Variants in MCF2L observed in about 807,000 individuals in gnomAD.
MCF2L encodes guanine nucleotide exchange factor DBS.
Under a neutral mutation model 153.4 loss-of-function variants are expected in MCF2L, and 97 were observed. The observed-to-expected ratio is 0.63, with a 90% CI of 0.54 to 0.75. The LOEUF (loss-of-function observed/expected upper bound fraction) is 0.75, where lower values mean the gene tolerates loss of function less well. Among genes scored for constraint, MCF2L ranks in the 30% least tolerant of loss-of-function variants. MCF2L has a pLI of 0.00. For synonymous variants in MCF2L, 659 were observed against 632.2 expected (o/e 1.04, Z -0.64); for missense variants, 1,347 against 1,495.2 (o/e 0.90, Z 1.64).
chr13:113,016,562 G>A (rs564555955), intron 2 of MCF2L, among the ~76,000 whole-genome samples: 66 of 152,134 alleles, frequency 4.3e-4, no homozygotes, highest in Non-Finnish European at 7.8e-4. Flanking sequence ...AGCCTCCGTC[G>A]GCTCCTCTCC....
rs1285129479 is a variant in MCF2L at position 113,074,530 on chromosome 13, G to A, written c.1083G>A (p.Leu361=). The A allele has an allele frequency of 1.2e-6, 2 of 1,614,064 alleles. No homozygotes were observed. Among genetic ancestry groups the A allele is most frequent in the Middle Eastern group, 1.6e-4 (1 of 6,062 alleles). The part of the protein sequence containing the change: ...GNSLAHVEHL[L]RDLASFEEKS... ...GCCTGGCGCATGTGGAGCACCTGCT[G>A]AGGGACCTGGCCAGCTTCGAGGAGA... Residue 361 remains leucine (L), a synonymous_variant, in exon 10 of 30, where the codon CTG becomes CTA. Coordinates refer to ENST00000535094, the MANE Select transcript of MCF2L (RefSeq NM_001112732.3). This position sits in a 1 kb window ranked among gnomAD's most constrained non-coding sequence, Gnocchi z 4.2.
intron 2 of MCF2L, among the ~76,000 whole-genome samples, chr13:112,962,593 G>C (rs550972175): frequency 2.0e-5 from 3 of 152,172 alleles, no homozygotes; most frequent in Non-Finnish European, 4.4e-5. Flanking sequence ...TGCCCAGACC[G>C]CAGCAATCAG....
intron 2 of MCF2L, among the ~76,000 whole-genome samples, chr13:112,940,813 TAA>T (rs11312253): frequency 6.6e-6 from 1 of 151,770 alleles, no homozygotes; most frequent in African/African-American, 2.4e-5. Context: ...CATGAGCACT[TAA>T]AAAAAAATCA....
Position 112,983,190 on chromosome 13 carries a change from C to G in MCF2L, c.79+13732C>G, listed in dbSNP as rs1465037654. Reference sequence around the variant, plus strand: ...TTGGAGGTGAGGGGGTAGCAGAGCCCCTCACACAGGTCTAGGTTGCAGGTT... The same window carrying G: ...TTGGAGGTGAGGGGGTAGCAGAGCCGCTCACACAGGTCTAGGTTGCAGGTT... On this transcript the variant is annotated intron_variant, in intron 1 of 29. Coordinates refer to ENST00000535094, the MANE Select transcript of MCF2L (RefSeq NM_001112732.3). This position sits in a 1 kb window ranked among gnomAD's most constrained non-coding sequence, Gnocchi z 4.0. 6.6e-6 allele frequency among the ~76,000 whole-genome samples: 1 copy of G among 152,066 alleles called. No individual in the cohort carries two copies. The highest frequency in any genetic ancestry group is 6.5e-5 in the Admixed American group (1 of 15,272).
At chr13:112,918,265 G>A (rs2081315949) in intron 2 of MCF2L, among the ~76,000 whole-genome samples, 1 of 152,212 alleles carries the variant, frequency 6.6e-6, no homozygotes, top group Admixed American at 6.5e-5. Flanking sequence ...GCCCCATTGA[G>A]GGGAGAACTG....
At chr13:112,925,719 C>A (rs2081394843) in intron 2 of MCF2L, among the ~76,000 whole-genome samples, 1 of 152,024 alleles carries the variant, frequency 6.6e-6, no homozygotes, top group Admixed American at 6.6e-5. Flanking sequence ...CTGACCTGGG[C>A]AGTGGTCACT....
In MCF2L at chr13:112,994,046, T is replaced by A. The variant is rs543728013; in HGVS notation, c.80-20717T>A. 4.9e-3 allele frequency among the ~76,000 whole-genome samples: 742 copies of A among 152,298 alleles called. 6 individuals carry two copies. The highest frequency in any genetic ancestry group is 0.017 in the African/African-American group (703 of 41,576). On this transcript the variant is annotated intron_variant, in intron 1 of 29. Transcript: ENST00000535094. ...GGTCCCAGCCGACCCTCCGCCTTCG[T>A]CTTTTTCCTGATTAAAAAAAAGCAC... is the stretch of plus-strand genomic sequence containing the variant.
chr13:113,010,674 TGCCGG>T (rs2084034348), intron 1 of MCF2L, among the ~76,000 whole-genome samples: 2 of 152,206 alleles, frequency 1.3e-5, no homozygotes, highest in Non-Finnish European at 2.9e-5. Context: ...GGGCAGCCTC[TGCCGG>T]GCCTCAGATG....
intron 9 of MCF2L, among the ~76,000 whole-genome samples, chr13:113,073,465 A>C (rs552036461): frequency 2.9e-4 from 44 of 152,324 alleles, no homozygotes; most frequent in African/African-American, 1.0e-3. Flanking sequence ...GGGTTCAAGG[A>C]TGGACAAGAA....
At chr13:112,937,469 A>G (rs1392324935) in intron 2 of MCF2L, among the ~76,000 whole-genome samples, 1 of 152,262 alleles carries the variant, frequency 6.6e-6, no homozygotes, top group Non-Finnish European at 1.5e-5. Context: ...TTTTATGAAC[A>G]AAAGTTCTTT....
At chr13:113,056,623 AGTGTTTGGGTGCTGT>A (rs1368978129) in intron 4 of MCF2L, among the ~76,000 whole-genome samples, 87 of 107,138 alleles carry the variant, frequency 8.1e-4, no homozygotes, top group Admixed American at 1.9e-3. Flanking sequence ...GTGAGTGCTG[AGTGTTTGGGTGCTGT>A]GTGTTTGGGT....
At chr13:112,905,469 C>T (rs902177832) in intron 2 of MCF2L, among the ~76,000 whole-genome samples, 5 of 152,126 alleles carry the variant, frequency 3.3e-5, no homozygotes, top group Non-Finnish European at 5.9e-5. Flanking sequence ...GTTTGTTTAC[C>T]GTAACTAGGG....
intron 1 of MCF2L, among the ~76,000 whole-genome samples, chr13:112,991,292 T>G (rs895855764): frequency 6.6e-6 from 1 of 151,692 alleles, no homozygotes; most frequent in African/African-American, 2.4e-5. Flanking sequence ...TGCTGTGTTT[T>G]GGGGGGCGTC....
chr13:112,979,434 C>T (rs1208192015), intron 1 of MCF2L: 99 of 1,405,266 alleles, frequency 7.0e-5, no homozygotes, highest in Non-Finnish European at 8.9e-5. Context: ...AGGCCGGGCA[C>T]TCTGAGGAGG....
Position 113,064,706 on chromosome 13 carries a change from G to A in MCF2L, c.607-230G>A, listed in dbSNP as rs2032088553. 8.4e-6 allele frequency: 5 copies of A among 593,820 alleles called. No individual in the cohort carries two copies. Among genetic ancestry groups the A allele is most frequent in the East Asian group, 5.6e-5 (2 of 35,688 alleles). 36.8% of individuals were successfully genotyped at this position (593,820 alleles called of 1,614,324 possible). A position where few individuals can be genotyped will look rare whatever the true frequency, so the allele number is the denominator to read the frequency against. On this transcript the variant is annotated intron_variant, in intron 6 of 29. Coordinates refer to ENST00000535094, the MANE Select transcript of MCF2L (RefSeq NM_001112732.3). This position sits in a 1 kb window ranked among gnomAD's most constrained non-coding sequence, Gnocchi z 6.0. The stretch of plus-strand genomic sequence containing the variant: ...ACTGCTCTCAACGGGGAGAGGCAGC[G>A]CAGGCACAGGCGACTCTAGGTGACG...
intron 4 of MCF2L, among the ~76,000 whole-genome samples, chr13:113,051,154 C>T (rs1292278766): frequency 2.0e-5 from 3 of 152,198 alleles, no homozygotes; most frequent in Non-Finnish European, 4.4e-5. Flanking sequence ...GATCTGCAGG[C>T]TGTCTCCTCC....
At chr13:113,083,879 G>T in intron 17 of MCF2L, 119 bp from the exon 18 acceptor site, 1 of 775,068 alleles carries the variant, frequency 1.3e-6, no homozygotes. Flanking sequence ...CAAGTCATGC[G>T]GGGCAGATTG....
chr13:113,030,172 G>A (rs1024522617), intron 3 of MCF2L, among the ~76,000 whole-genome samples: 11 of 152,178 alleles, frequency 7.2e-5, no homozygotes, highest in African/African-American at 1.9e-4. Flanking sequence ...TCATCAGGGC[G>A]AAGGGGGTGA....
At chr13:113,089,457 G>C (rs568729517) in intron 25 of MCF2L, among the ~76,000 whole-genome samples, 153 bp from the exon 26 acceptor site, 1 of 151,986 alleles carries the variant, frequency 6.6e-6, no homozygotes, top group Non-Finnish European at 1.5e-5. Context: ...CATCCAGTCC[G>C]TCCGGGTTTA....
Sources: gnomAD v4.1 joint callset for allele counts (sites outside exome capture counted in the v4.1 genomes callset) on GRCh38, gnomAD v4.1.1 for gene constraint, Gnocchi (gnomAD v3.1) non-coding constraint, MANE v1.5 for transcripts, NCBI Gene and HGNC (gene_info 2026-07-23, HGNC 2026-07-21) for gene names.